MIER2: variants seen among roughly 807,000 people sequenced by gnomAD.
MIER2 encodes MIER family member 2, also known as mesoderm induction early response protein 2.
Under a neutral mutation model 67.6 loss-of-function variants are expected in MIER2, and 30 were observed. The ratio of observed to expected loss-of-function variants is 0.44; its 90% CI spans 0.33 to 0.60. The LOEUF (loss-of-function observed/expected upper bound fraction) is 0.60. Among genes scored for constraint, MIER2 ranks in the 20% least tolerant of loss-of-function variants. The probability of loss-of-function intolerance (pLI) is 0.02; values close to 1 mark genes in which losing one functional copy is unlikely to be tolerated. For synonymous variants in MIER2, 372 were observed against 312.6 expected (o/e 1.19, Z -2.00); for missense variants, 702 against 745.1 (o/e 0.94, Z 0.67).
Position 306,181 on chromosome 19 carries a change from G to A in MIER2, c.*509C>T. 1 of 168,652 alleles carries A rather than the reference G, an allele frequency of 5.9e-6. No individual in the cohort carries two copies. 10.4% of individuals were successfully genotyped at this position (168,652 alleles called of 1,614,324 possible). ...TGCCCCACGGGGTTGGCACTGAGTA[G>A]CAGCTGCCCACGACCCCCAGGGCTG... On this transcript the variant is annotated 3_prime_UTR_variant, in exon 14 of 14. Transcript: ENST00000264819.
intron 1 of MIER2, among the ~76,000 whole-genome samples, chr19:338,041 G>A (rs1186775895): frequency 4.8e-5 from 7 of 146,610 alleles, no homozygotes; most frequent in East Asian, 2.1e-4. Flanking sequence ...GTGTGGTGGC[G>A]GGCACCTGTA....
chr19:310,214 G>C (rs1447690404), intron 10 of MIER2, among the ~76,000 whole-genome samples: 2 of 152,206 alleles, frequency 1.3e-5, no homozygotes, highest in African/African-American at 4.8e-5. Context: ...GGTGATGGCG[G>C]AAAAGACCCC....
In MIER2 at chr19:308,948, A is replaced by G; in HGVS notation, c.985-23T>C. The G allele has an allele frequency of 6.3e-7, 1 of 1,589,164 alleles. No individual in the cohort carries two copies. The highest frequency in any genetic ancestry group is 8.6e-7 in the Non-Finnish European group (1 of 1,161,716). On this transcript the variant is annotated intron_variant, in intron 10 of 13. Transcript: ENST00000264819. This position sits in a 1 kb window ranked among gnomAD's most constrained non-coding sequence, Gnocchi z 9.1. Reference sequence around the variant, plus strand: ...CACCTGCGGGGAGGGGTCAGGAGCCATCTCTGTCCCCGGCTGCCCAGCCCC... The same window carrying G: ...CACCTGCGGGGAGGGGTCAGGAGCCGTCTCTGTCCCCGGCTGCCCAGCCCC...
intron 8 of MIER2, 147 bp from the exon 9 acceptor site, chr19:312,419 A>G (rs1301862014): frequency 3.2e-5 from 21 of 649,268 alleles, no homozygotes; most frequent in Non-Finnish European, 5.7e-5. Flanking sequence ...CTATCCAGGG[A>G]GTGACATCAG....
At chr19:317,087 A>G (rs1489163744) in intron 7 of MIER2, among the ~76,000 whole-genome samples, 2 of 152,188 alleles carry the variant, frequency 1.3e-5, no homozygotes, top group African/African-American at 4.8e-5. Context: ...AAAAGAAGAT[A>G]TAAAAAAATT....
chr19:312,415 A>G (rs1971060972), intron 8 of MIER2, 143 bp from the exon 9 acceptor site: 3 of 660,740 alleles, frequency 4.5e-6, no homozygotes, highest in Non-Finnish European at 8.0e-6. Context: ...ACCTCTATCC[A>G]GGGAGTGACA....
At chr19:343,690 C>A (rs1402039133) in intron 1 of MIER2, 6 of 388,272 alleles carry the variant, frequency 1.5e-5, no homozygotes, top group Non-Finnish European at 2.1e-5. Flanking sequence ...TTCCTTTGGG[C>A]TCTATCCCAG....
Position 326,440 on chromosome 19 carries a change from G to A in MIER2, c.585+67C>T, listed in dbSNP as rs1241741510. On this transcript the variant is annotated intron_variant, in intron 6 of 13. Transcript: ENST00000264819. The stretch of plus-strand genomic sequence containing the variant: ...GAGACGGCAGAGCCACGGTCGGGAT[G>A]CCAGGTTGGGGAGACGGCAGAACCA... 2.1e-6 allele frequency: 3 copies of A among 1,432,012 alleles called. No homozygotes were observed. In the African/African-American group the frequency reaches 4.2e-5, roughly 20 times the overall value. 88.7% of individuals were successfully genotyped at this position (1,432,012 alleles called of 1,614,324 possible).
intron 1 of MIER2, among the ~76,000 whole-genome samples, chr19:338,641 C>T (rs1421163320): frequency 6.6e-6 from 1 of 152,168 alleles, no homozygotes; most frequent in East Asian, 1.9e-4. Context: ...AACAATACTT[C>T]CTGATTTCAA....
At chr19:319,363 C>T (rs374599527) in intron 7 of MIER2, among the ~76,000 whole-genome samples, 1 of 152,176 alleles carries the variant, frequency 6.6e-6, no homozygotes, top group African/African-American at 2.4e-5. Context: ...CCCTGTCACA[C>T]ACACACACAA....
At chr19:310,781 G>C (rs1013214715) in intron 10 of MIER2, among the ~76,000 whole-genome samples, 4 of 143,844 alleles carry the variant, frequency 2.8e-5, no homozygotes, top group African/African-American at 1.1e-4. Flanking sequence ...ATAGAAACAC[G>C]GCCCAGAGTC....
chr19:342,167 C>A (rs1037954116), intron 1 of MIER2, among the ~76,000 whole-genome samples: 36 of 152,156 alleles, frequency 2.4e-4, no homozygotes, highest in African/African-American at 8.7e-4. Flanking sequence ...TACCCAGCAC[C>A]CCACTCCTCC....
chr19:318,679 T>C (rs1410805314), intron 7 of MIER2, among the ~76,000 whole-genome samples: 1 of 152,134 alleles, frequency 6.6e-6, no homozygotes, highest in Non-Finnish European at 1.5e-5. Context: ...GATCAAATAA[T>C]GGACATAAAG....
At chr19:322,718 T>C (rs759237876) in intron 7 of MIER2, among the ~76,000 whole-genome samples, 1 of 149,028 alleles carries the variant, frequency 6.7e-6, no homozygotes, top group Non-Finnish European at 1.5e-5. Flanking sequence ...AAATCATTAG[T>C]GAGAAACTCA....
intron 7 of MIER2, among the ~76,000 whole-genome samples, chr19:319,560 G>A (rs1454106098): frequency 6.6e-6 from 1 of 152,190 alleles, no homozygotes; most frequent in Non-Finnish European, 1.5e-5. Context: ...CCGGGTTCAA[G>A]TGATTCTCCT....
At chr19:342,819 G>A (rs1033781687) in intron 1 of MIER2, among the ~76,000 whole-genome samples, 31 of 152,042 alleles carry the variant, frequency 2.0e-4, no homozygotes, top group Non-Finnish European at 4.1e-4. Context: ...GACCTCATCA[G>A]ACCTCCTAGC....
At chr19:314,155 G>A (rs1158664760) in intron 7 of MIER2, among the ~76,000 whole-genome samples, 4 of 152,318 alleles carry the variant, frequency 2.6e-5, no homozygotes, top group East Asian at 1.9e-4. Context: ...ACAAGCGGGA[G>A]CCCCCACAGT....
intron 12 of MIER2, among the ~76,000 whole-genome samples, chr19:307,891 G>A (rs983729266): frequency 6.8e-6 from 1 of 146,868 alleles, no homozygotes; most frequent in African/African-American, 2.7e-5. Context: ...GGCGCTGCGA[G>A]GGCTAATACA....
Position 307,527 on chromosome 19 carries a change from C to G in MIER2, c.1208G>C (p.Ser403Thr). Reference protein sequence around the residue: ...TLTGMRTDPLSVDGTAGGLDE... With the variant: ...TLTGMRTDPLTVDGTAGGLDE... ...GAGACCACCGGCCGTGCCATCCACG[C>G]TCAGTGGATCTGTGAAAGAGAACGC... The change falls in exon 13 of 14, where the codon AGC becomes ACC. Residue 403 changes from serine (S) to threonine (T), a missense_variant. By Grantham distance (58) the Ser-to-Thr change is moderately conservative (BLOSUM62 1). This residue lies in a region of MIER2 where 254 missense variants were observed against 262.8 expected (regional missense o/e 0.97). Coordinates refer to ENST00000264819, the MANE Select transcript of MIER2 (RefSeq NM_017550.3). The G allele has an allele frequency of 6.6e-7, 1 of 1,504,782 alleles. No homozygotes were observed. The highest frequency in any genetic ancestry group is 8.8e-7 in the Non-Finnish European group (1 of 1,133,406). 93.2% of individuals were successfully genotyped at this position (1,504,782 alleles called of 1,614,324 possible).
Sources: allele counts gnomAD v4.1 joint callset (sites outside exome capture counted in the v4.1 genomes callset), GRCh38; gene constraint gnomAD v4.1.1; regional missense constraint gnomAD v4.1.1; non-coding constraint Gnocchi (gnomAD v3.1); transcripts MANE v1.5; gene names NCBI Gene and HGNC (gene_info 2026-07-23, HGNC 2026-07-21).